A2M: variants seen among roughly 807,000 people sequenced by gnomAD.
A2M encodes the protein alpha-2-macroglobulin.
In A2M, 128 loss-of-function variants were observed where a neutral mutation model predicts 183.9. That is an observed-to-expected ratio of 0.70 (90% CI 0.60 to 0.81). The LOEUF is 0.81. Among genes scored for constraint, A2M ranks in the 30% least tolerant of loss-of-function variants. A2M has a pLI of 0.00. For synonymous variants in A2M, 592 were observed against 670.8 expected (o/e 0.88, Z 1.81); for missense variants, 1,495 against 1,787.6 (o/e 0.84, Z 2.95).
chr12:9,101,778 G>C, intron 11 of A2M, 104 bp from the exon 12 acceptor site: 1 of 898,160 alleles, frequency 1.1e-6, no homozygotes, highest in East Asian at 2.7e-5. Context: ...CTAGTAGCTA[G>C]AAATCTTTTG....
chr12:9,103,663 A>G (rs888552536), intron 11 of A2M, among the ~76,000 whole-genome samples: 1 of 152,162 alleles, frequency 6.6e-6, no homozygotes, highest in Admixed American at 6.5e-5. Context: ...ATCATACAGT[A>G]TTGGTCTTTT....
chr12:9,106,187 AATT>A (rs1938267237), intron 10 of A2M, 46 bp downstream of exon 10: 1 of 1,082,048 alleles, frequency 9.2e-7, no homozygotes, highest in Admixed American at 1.8e-5. Flanking sequence ...CTATTGTGCT[AATT>A]AGGTAACAGT....
intron 35 of A2M, 56 bp downstream of exon 35, chr12:9,068,127 T>A: frequency 1.3e-6 from 2 of 1,576,698 alleles, no homozygotes; most frequent in South Asian, 1.2e-5. Flanking sequence ...GGAGAAGGTT[T>A]GGGGGGCAAG....
chr12:9,109,701 ATTCAC>A (rs1274904626), intron 6 of A2M, among the ~76,000 whole-genome samples, 161 bp downstream of exon 6: 17 of 152,222 alleles, frequency 1.1e-4, no homozygotes, highest in Non-Finnish European at 2.2e-4. Flanking sequence ...GTGAAGTCCT[ATTCAC>A]AGATCACTGA....
chr12:9,113,248 A>T, intron 2 of A2M, 112 bp downstream of exon 2: 30 of 1,016,032 alleles, frequency 3.0e-5, no homozygotes, highest in Non-Finnish European at 4.0e-5. Context: ...CTACATTTGG[A>T]TTCCTTCCTG....
In A2M at chr12:9,089,890, AGG is replaced by A; in HGVS notation, c.2718+10_2718+11del. On this transcript the variant is annotated intron_variant, in intron 21 of 35. Transcript: ENST00000318602. ...TATTATTGTGGACTATATATTATTT[AGG>A]TTTACTTACTTCAACCAACAGAGGC... 1.3e-6 allele frequency: 2 copies of A among 1,597,160 alleles called. No individual in the cohort carries two copies. The highest frequency in any genetic ancestry group is 1.7e-4 in the Middle Eastern group (1 of 5,946).
intron 10 of A2M, among the ~76,000 whole-genome samples, chr12:9,104,795 TTTAATCTA>T (rs986914269): frequency 1.3e-5 from 2 of 152,154 alleles, no homozygotes; most frequent in African/African-American, 4.8e-5. Flanking sequence ...AATGAAATAT[TTTAATCTA>T]TTAATCTATT....
chr12:9,075,446 TAAAA>T (rs967585941), intron 28 of A2M, among the ~76,000 whole-genome samples: 5 of 151,722 alleles, frequency 3.3e-5, no homozygotes, highest in African/African-American at 1.2e-4. Flanking sequence ...TAGCAAAACA[TAAAA>T]AAAATCCATG....
At chr12:9,110,411 G>A (rs1400801919) in intron 4 of A2M, 77 bp from the exon 5 acceptor site, 1 of 883,438 alleles carries the variant, frequency 1.1e-6, no homozygotes, top group Non-Finnish European at 1.7e-6. Flanking sequence ...AAAGCAGCTA[G>A]TATTTGCTAG....
Position 9,104,304 on chromosome 12 carries a change from C to T in A2M, c.1201G>A (p.Glu401Lys), listed in dbSNP as rs1290192772. 6.2e-6 allele frequency: 10 copies of T among 1,613,160 alleles called. 1 individual carries two copies. In the South Asian group the frequency reaches 7.7e-5, roughly 12 times the overall value. The change falls in exon 11 of 36, where the codon GAG (glutamate) becomes AAG (lysine). Residue 401 changes from glutamate (E) to lysine (K), a missense_variant. Transcript: ENST00000318602. ...ANYYSNATTD[E>K]HGLVQFSINT... ...ATAGAGAACTGTACAAGGCCATGCT[C>T]ATCCGTGGTAGCATTGGAGTAATAG...
At chr12:9,106,422 C>T in intron 9 of A2M, 69 bp downstream of exon 9, 1 of 1,432,020 alleles carries the variant, frequency 7.0e-7, no homozygotes, top group South Asian at 1.2e-5. Flanking sequence ...CCCCAACTTA[C>T]AATTCATTAT....
intron 7 of A2M, among the ~76,000 whole-genome samples, chr12:9,108,035 G>A (rs766107118): frequency 6.6e-6 from 1 of 151,994 alleles, no homozygotes; most frequent in African/African-American, 2.4e-5. Context: ...CTATTAGTAC[G>A]ATAGTGTCTC....
intron 22 of A2M, among the ~76,000 whole-genome samples, chr12:9,086,762 A>G (rs1949062973): frequency 1.3e-5 from 2 of 152,238 alleles, no homozygotes; most frequent in South Asian, 4.1e-4. Context: ...ATTTATTTTC[A>G]AAGTAGCACT....
intron 25 of A2M, among the ~76,000 whole-genome samples, chr12:9,078,660 G>C (rs1218839210): frequency 6.6e-6 from 1 of 152,178 alleles, no homozygotes; most frequent in Non-Finnish European, 1.5e-5. Flanking sequence ...CAAGTAATTT[G>C]AATGTACTTA....
Position 9,094,974 on chromosome 12 carries a change from A to G in A2M, c.2124T>C (p.Tyr708=). ...TATATTTATTAATTTTTTGTTTACC[A>G]TAAAAACCTACACGTAGACCTTCAG... ...HGPEGLRVGF[Y]ESDVMGRGHA... The change falls in exon 17 of 36, where the codon TAT becomes TAC. Residue 708 remains tyrosine, a splice_region_variant and synonymous_variant. Transcript: ENST00000318602. 2.6e-6 allele frequency: 4 copies of G among 1,516,750 alleles called. No homozygotes were observed. Among genetic ancestry groups the G allele is most frequent in the Non-Finnish European group, 2.7e-6 (3 of 1,127,286 alleles). The allele number at this position is 1,516,750 out of a possible 1,614,324, so 94.0% of individuals were successfully genotyped here. A position where few individuals can be genotyped will look rare whatever the true frequency, so the allele number is the denominator to read the frequency against.
At chr12:9,078,514 T>A (rs1948814980) in intron 25 of A2M, among the ~76,000 whole-genome samples, 1 of 152,258 alleles carries the variant, frequency 6.6e-6, no homozygotes, top group Admixed American at 6.5e-5. Flanking sequence ...TGTGCATGTG[T>A]CATTATAGTA....
Position 9,067,774 on chromosome 12 carries a change from G to C in A2M, c.*49C>G, listed in dbSNP as rs1948437709. On this transcript the variant is annotated 3_prime_UTR_variant, in exon 36 of 36. Coordinates refer to ENST00000318602, the MANE Select transcript of A2M (RefSeq NM_000014.6). ...GATACAAAAACACGTGTCTTCTGTG[G>C]AGCTCTGAGAACAGGACTCCAGCAA... The C allele has an allele frequency of 1.9e-6, 3 of 1,590,094 alleles. No individual in the cohort carries two copies. The highest frequency in any genetic ancestry group is 2.6e-6 in the Non-Finnish European group (3 of 1,159,990).
At chr12:9,087,493 A>G (rs1215477127) in intron 22 of A2M, among the ~76,000 whole-genome samples, 1 of 152,156 alleles carries the variant, frequency 6.6e-6, no homozygotes, top group Non-Finnish European at 1.5e-5. Context: ...AATGGTGGTT[A>G]TGGAGGATGA....
chr12:9,077,034 G>T (rs143242372), intron 27 of A2M, 98 bp from the exon 28 acceptor site: 1 of 1,130,018 alleles, frequency 8.8e-7, no homozygotes, highest in Non-Finnish European at 1.2e-6. Context: ...TTTTTCAAAC[G>T]CATTTTTCCA....
Sources: allele counts gnomAD v4.1 joint callset (sites outside exome capture counted in the v4.1 genomes callset), GRCh38; gene constraint gnomAD v4.1.1; transcripts MANE v1.5; gene names NCBI Gene and HGNC (gene_info 2026-07-23, HGNC 2026-07-21).